Variants in SMS observed in about 807,000 individuals in gnomAD.
SMS encodes spermine synthase.
In SMS, 3 loss-of-function variants were observed where a neutral mutation model predicts 33.0. That is an observed-to-expected ratio of 0.09 (90% CI 0.04 to 0.23). SMS has a LOEUF of 0.23. SMS is among the 10% of genes least tolerant of loss of function. The pLI, the probability that SMS is intolerant of heterozygous loss-of-function variation, is 1.00. For synonymous variants in SMS, 103 were observed against 112.2 expected, an observed-to-expected ratio of 0.92 and a Z score of 0.52; for missense variants, 117 against 288.6, an observed-to-expected ratio of 0.41 and a Z score of 4.31.
intron 1 of SMS, 70 bp downstream of exon 1, chrX:21,940,943 G>A: frequency 2.9e-6 from 2 of 700,578 alleles, no homozygotes; most frequent in Non-Finnish European, 1.9e-6. Flanking sequence ...TGGGGCGGGG[G>A]TCGGGCGTGG....
At chrX:21,955,251 T>G (rs1273909019) in intron 1 of SMS, among the ~76,000 whole-genome samples, 2 of 112,490 alleles carry the variant, frequency 1.8e-5, no homozygotes, top group Non-Finnish European at 3.8e-5. Context: ...GAAAGCATAT[T>G]TCATCCTTCC....
chrX:21,955,205 G>C (rs1602187530), intron 1 of SMS, among the ~76,000 whole-genome samples: 1 of 112,595 alleles, frequency 8.9e-6, no homozygotes, highest in East Asian at 2.8e-4. Flanking sequence ...TTAGTGAGAA[G>C]AAAGCTGGAT....
At chrX:21,947,574 A>G (rs370320113) in intron 1 of SMS, among the ~76,000 whole-genome samples, 18 of 111,421 alleles carry the variant, frequency 1.6e-4, no homozygotes, top group African/African-American at 5.2e-4. Flanking sequence ...CTGCCTGCCA[A>G]TGTTCTCAAA....
chrX:21,946,611 G>A (rs772472426), intron 1 of SMS, among the ~76,000 whole-genome samples: 67 of 111,482 alleles, frequency 6.0e-4, no homozygotes, highest in Middle Eastern at 4.7e-3. Flanking sequence ...AGTTTAAGGC[G>A]GTGATTCTCA....
chrX:21,954,029 A>G (rs1922806680), intron 1 of SMS, among the ~76,000 whole-genome samples: 1 of 110,368 alleles, frequency 9.1e-6, no homozygotes, highest in African/African-American at 3.3e-5. Flanking sequence ...CTCATTCTCT[A>G]GTATGCAGTT....
chrX:21,962,846 G>T (rs1015613010), intron 1 of SMS, among the ~76,000 whole-genome samples: 2 of 110,017 alleles, frequency 1.8e-5, no homozygotes, highest in African/African-American at 6.6e-5. Context: ...GGTAGAGACA[G>T]ATTTTACCAC....
chrX:21,957,241 T>C (rs1406717242), intron 1 of SMS, among the ~76,000 whole-genome samples: 1 of 109,140 alleles, frequency 9.2e-6, no homozygotes, highest in Non-Finnish European at 1.9e-5. Context: ...ACCTGACACA[T>C]AATCACAGTT....
Position 21,946,100 on chromosome X carries a change from A to G in SMS, c.49+5227A>G, listed in dbSNP as rs904258821. On this transcript the variant is annotated intron_variant, in intron 1 of 10. Transcript: ENST00000404933. ...GTGTGTGATTTTTTGGCCTCCAAGC[A>G]TAACTGAAGAAAGTGCTAAATTTCT... Among the ~76,000 whole-genome samples, 3 of 112,555 alleles carry G rather than the reference A, an allele frequency of 2.7e-5. No homozygotes were observed. In the Admixed American group the frequency reaches 2.8e-4, roughly 11 times the overall value.
rs1449782043 is a variant in SMS at position 21,940,769 on chromosome X, GC to G, written c.-50del. ...CGGCCGCAGCCTGACACGCCGCGCG[GC>G]CCCCCAGTCTCCCGCGGCTGCTCCC... On this transcript the variant is annotated 5_prime_UTR_variant, in exon 1 of 11. Coordinates refer to ENST00000404933, the MANE Select transcript of SMS (RefSeq NM_004595.5). 25 of 978,104 alleles carry G rather than the reference GC, an allele frequency of 2.6e-5. No homozygotes were observed. The highest frequency in any genetic ancestry group is 5.7e-5 in the Admixed American group (2 of 35,245). 80.6% of individuals were successfully genotyped at this position (978,104 alleles called of 1,213,427 possible).
At chrX:21,950,329 G>C (rs889136405) in intron 1 of SMS, among the ~76,000 whole-genome samples, 8 of 110,859 alleles carry the variant, frequency 7.2e-5, no homozygotes, top group African/African-American at 2.0e-4. Flanking sequence ...TTGTTCCTAC[G>C]TGGGGGTTTG....
At chrX:21,961,473 C>T (rs1197760128) in intron 1 of SMS, among the ~76,000 whole-genome samples, 1 of 110,925 alleles carries the variant, frequency 9.0e-6, no homozygotes, top group African/African-American at 3.3e-5. Context: ...CAGGTTCCAG[C>T]TAGATACACA....
chrX:21,941,153 G>A, intron 1 of SMS: 1 of 113,250 alleles, frequency 8.8e-6, no homozygotes. Context: ...CCGCCCTTCC[G>A]GGCCCTGGCC....
chrX:21,969,078 C>T (rs780999751), intron 2 of SMS, among the ~76,000 whole-genome samples: 28 of 111,063 alleles, frequency 2.5e-4, no homozygotes, highest in Non-Finnish European at 3.2e-4. Flanking sequence ...GAAAAAGTAC[C>T]CACCTCCATG....
chrX:21,957,153 CTTTT>C (rs111845628), intron 1 of SMS, among the ~76,000 whole-genome samples: 3 of 91,192 alleles, frequency 3.3e-5, no homozygotes, highest in African/African-American at 8.2e-5. Flanking sequence ...AAACCAACTA[CTTTT>C]TTTTTTTTTT....
intron 2 of SMS, among the ~76,000 whole-genome samples, chrX:21,970,745 GTTT>G (rs756995067): frequency 6.3e-4 from 52 of 82,241 alleles, no homozygotes; most frequent in Middle Eastern, 6.8e-3. Context: ...ATTATTTTTA[GTTT>G]TTTTTTTTTT....
chrX:21,976,680 C>CT lies in SMS; in HGVS notation c.330-380dup, dbSNP rs201333457. 4.8e-3 allele frequency among the ~76,000 whole-genome samples: 538 copies of CT among 111,627 alleles called. 1 individual carries two copies. The highest frequency in any genetic ancestry group is 0.019 in the Middle Eastern group (4 of 216). Reference sequence around the variant, plus strand: ...AACTGGGGACACTTGAAGATGGACTCTGTACTAGATAACCATATCATACCC... The same window carrying CT: ...AACTGGGGACACTTGAAGATGGACTCTTGTACTAGATAACCATATCATACCC... On this transcript the variant is annotated intron_variant, in intron 4 of 10. Coordinates refer to ENST00000404933, the MANE Select transcript of SMS (RefSeq NM_004595.5).
intron 9 of SMS, among the ~76,000 whole-genome samples, chrX:21,985,525 C>G (rs908426124): frequency 9.0e-6 from 1 of 111,724 alleles, no homozygotes; most frequent in Non-Finnish European, 1.9e-5. Flanking sequence ...ACTGTGAACT[C>G]CTGCCACCAG....
intron 2 of SMS, among the ~76,000 whole-genome samples, chrX:21,969,857 C>T (rs1184107480): frequency 8.8e-5 from 10 of 113,080 alleles, no homozygotes; most frequent in Non-Finnish European, 1.9e-4. Context: ...CTCTGTTGCC[C>T]AGGCTGGAGT....
Position 21,977,277 on chromosome X carries a change from T to C in SMS, c.505+41T>C, listed in dbSNP as rs1410054338. On this transcript the variant is annotated intron_variant, in intron 5 of 10. Coordinates refer to ENST00000404933, the MANE Select transcript of SMS (RefSeq NM_004595.5). ...CTGCCCCGATCACGTAACAAAGTGG[T>C]GATGTGTTGAATGATGGTGTTTTCC... The C allele has an allele frequency of 2.7e-6, 3 of 1,092,345 alleles. No individual in the cohort carries two copies. In the African/African-American group the frequency reaches 5.5e-5, roughly 20 times the overall value. 90.0% of individuals were successfully genotyped at this position (1,092,345 alleles called of 1,213,427 possible).
Sources: gnomAD v4.1 joint callset for allele counts (sites outside exome capture counted in the v4.1 genomes callset) on GRCh38, gnomAD v4.1.1 for gene constraint, MANE v1.5 for transcripts, NCBI Gene and HGNC (gene_info 2026-07-23, HGNC 2026-07-21) for gene names.